NTRK1: variants seen among roughly 807,000 people sequenced by gnomAD.
NTRK1 encodes neurotrophic receptor tyrosine kinase 1, also known as high affinity nerve growth factor receptor.
NTRK1 carries 62 observed loss-of-function variants against 86.8 expected under a neutral mutation model. That is an observed-to-expected ratio of 0.71 (90% confidence interval 0.58 to 0.88). NTRK1 has a LOEUF of 0.88. Ranked by LOEUF, NTRK1 falls within the 40% of genes least tolerant of loss-of-function variation. The pLI is 0.00. For synonymous variants in NTRK1, 469 were observed against 456.6 expected (o/e 1.03, Z -0.35); for missense variants, 967 against 1,078.4 (o/e 0.90, Z 1.45).
At chr1:156,819,371 T>G (rs1415542320) in intron 1 of NTRK1, among the ~76,000 whole-genome samples, 4 of 152,120 alleles carry the variant, frequency 2.6e-5, no homozygotes, top group African/African-American at 4.8e-5. Flanking sequence ...GGTATCTCAT[T>G]GTGATTTTAA....
upstream of NTRK1, chr1:156,858,849 G>C (rs1424007530): frequency 1.7e-6 from 1 of 574,438 alleles, no homozygotes; most frequent in African/African-American, 1.9e-5. Context: ...GAGAGACTCA[G>C]CATGAGATTG....
At chr1:156,841,272 G>T (rs987093726) in intron 1 of NTRK1, 5 of 1,064,300 alleles carry the variant, frequency 4.7e-6, no homozygotes, top group Non-Finnish European at 7.2e-6. Context: ...GGGGGGTGGC[G>T]CTCATAGCTG....
intron 9 of NTRK1, 27 bp from the exon 10 acceptor site, chr1:156,874,544 C>A (rs371083287): frequency 1.2e-4 from 187 of 1,613,210 alleles, no homozygotes; most frequent in Admixed American, 2.7e-4. Context: ...TGTCAAGGCT[C>A]ACCCCTCCTG....
intron 2 of NTRK1, chr1:156,849,024 C>T: frequency 6.2e-7 from 1 of 1,613,466 alleles, no homozygotes; most frequent in Non-Finnish European, 8.5e-7. Flanking sequence ...ACGTTGGACA[C>T]GAAGCGCAGG....
In NTRK1 at chr1:156,871,669, C is replaced by A. The variant is rs1647562297; in HGVS notation, c.764C>A (p.Thr255Asn). 3 of 1,614,150 alleles carry A rather than the reference C, an allele frequency of 1.9e-6. No homozygotes were observed. The highest frequency in any genetic ancestry group is 2.5e-6 in the Non-Finnish European group (3 of 1,180,028). ...CTGGGGCTGACCCTGGCCAATGTCA[C>A]CAGTGACCTCAACAGGAAGAACGTG... ...PSLGLTLANV[T>N]SDLNRKNVTC... The change falls in exon 7 of 17, where the codon ACC becomes AAC. Residue 255 changes from threonine (T) to asparagine (N), a missense_variant. Physicochemically the swap from Thr to Asn is moderately conservative, Grantham distance 65. Around this residue, in one of 2 missense-constraint regions of NTRK1, gnomAD observed 637 missense variants for 776.5 expected, o/e 0.82. Coordinates refer to ENST00000524377, the MANE Select transcript of NTRK1 (RefSeq NM_002529.4).
intron 4 of NTRK1, 132 bp downstream of exon 4, chr1:156,867,110 A>G: frequency 1.1e-6 from 1 of 924,634 alleles, no homozygotes. Flanking sequence ...GACTATGTGC[A>G]TGCCAGTGAA....
chr1:156,852,775 G>T (rs1252501790), intron 2 of NTRK1, among the ~76,000 whole-genome samples: 1 of 152,226 alleles, frequency 6.6e-6, no homozygotes, highest in African/African-American at 2.4e-5. Flanking sequence ...TGGGGTAGGG[G>T]TCAGCCAGGT....
upstream of NTRK1, chr1:156,858,608 C>T (rs1343297788): frequency 6.2e-7 from 1 of 1,614,060 alleles, no homozygotes; most frequent in Non-Finnish European, 8.5e-7. Flanking sequence ...GGGCCACAGA[C>T]TAGGCACTGC....
chr1:156,851,230 T>C (rs749944916), intron 2 of NTRK1: 7 of 1,601,418 alleles, frequency 4.4e-6, no homozygotes, highest in Non-Finnish European at 6.0e-6. Flanking sequence ...TCACCACTGT[T>C]CTGGGAGTGT....
At position 156,840,961 on chromosome 1, in the gene NTRK1, C is replaced by A; in HGVS notation, c.-63-1120C>A. On this transcript the variant is annotated intron_variant, in intron 1 of 16. Transcript: ENST00000392302. ...TGCATCGGTGGTAGGCAGGGAGCCC[C>A]GGGCCCCCCGGCATTCCGGGCTGTA... is the stretch of plus-strand genomic sequence containing the variant. The A allele has an allele frequency of 6.2e-7, 1 of 1,613,834 alleles. No individual in the cohort carries two copies. Among genetic ancestry groups the A allele is most frequent in the Admixed American group, 1.7e-5 (1 of 59,992 alleles).
chr1:156,836,236 A>C (rs1039451208), intron 1 of NTRK1, among the ~76,000 whole-genome samples: 16 of 152,142 alleles, frequency 1.1e-4, no homozygotes, highest in Admixed American at 2.6e-4. Context: ...GTTGTTCACA[A>C]GTGGGGAGAG....
At chr1:156,819,241 C>T (rs982018731) in intron 1 of NTRK1, among the ~76,000 whole-genome samples, 3 of 152,192 alleles carry the variant, frequency 2.0e-5, no homozygotes, top group African/African-American at 7.2e-5. Flanking sequence ...CTCCTGACCT[C>T]AGGTGATCCC....
At chr1:156,857,709 G>A (rs1404571451), upstream of NTRK1, among the ~76,000 whole-genome samples, 1 of 152,174 alleles carries the variant, frequency 6.6e-6, no homozygotes, top group African/African-American at 2.4e-5. Flanking sequence ...CTGCCCCTGG[G>A]AGCCCCCAGT....
chr1:156,871,583 T>C (rs752429631), intron 6 of NTRK1, 40 bp from the exon 7 acceptor site: 11 of 1,613,116 alleles, frequency 6.8e-6, no homozygotes, highest in Non-Finnish European at 9.3e-6. Flanking sequence ...CCAAGCTGGC[T>C]AAAGCTCCTT....
intron 7 of NTRK1, among the ~76,000 whole-genome samples, chr1:156,872,093 A>G (rs1319431069): frequency 1.3e-5 from 2 of 152,132 alleles, no homozygotes; most frequent in African/African-American, 4.8e-5. Context: ...CCTAGTTTCA[A>G]AAGAGGAAAT....
chr1:156,851,460 G>A lies in NTRK1; in HGVS notation c.50+9267G>A, dbSNP rs528039548. ...CTAGGGATGGGAAGACAGGGCTGGA[G>A]TAGGAGCAAGGAAGGTGATGGGTCT... On this transcript the variant is annotated intron_variant, in intron 2 of 16. Transcript: ENST00000392302. 4.1e-5 allele frequency: 66 copies of A among 1,613,986 alleles called. 1 individual carries two copies. In the South Asian group the frequency reaches 7.0e-4, roughly 17 times the overall value.
chr1:156,856,543 C>T (rs760520586), upstream of NTRK1, among the ~76,000 whole-genome samples: 7 of 152,200 alleles, frequency 4.6e-5, no homozygotes, highest in African/African-American at 1.2e-4. Flanking sequence ...TCGGGTCAGA[C>T]CTTTCTTCCC....
At chr1:156,845,596 C>T in intron 2 of NTRK1, 1 of 1,585,324 alleles carries the variant, frequency 6.3e-7, no homozygotes, top group South Asian at 1.1e-5. Flanking sequence ...CAGACCCTCC[C>T]AGGCCGCGCG....
chr1:156,861,254 G>C, intron 1 of NTRK1, 108 bp downstream of exon 1: 1 of 1,325,146 alleles, frequency 7.5e-7, no homozygotes, highest in Non-Finnish European at 1.0e-6. Context: ...CGAGCACGGC[G>C]GAAGGCTGGC....
Sources: allele counts gnomAD v4.1 joint callset (sites outside exome capture counted in the v4.1 genomes callset), GRCh38; gene constraint gnomAD v4.1.1; regional missense constraint gnomAD v4.1.1; transcripts MANE v1.5; gene names NCBI Gene and HGNC (gene_info 2026-07-23, HGNC 2026-07-21).